Variants in PPP4R1 observed in about 807,000 individuals in gnomAD.
PPP4R1 encodes the protein protein phosphatase 4 regulatory subunit 1.
PPP4R1 carries 42 observed loss-of-function variants against 111.2 expected under a neutral mutation model. The ratio of observed to expected loss-of-function variants is 0.38; its 90% CI spans 0.29 to 0.49. The LOEUF is 0.49. Ranked by LOEUF, PPP4R1 falls within the 20% of genes least tolerant of loss-of-function variation. PPP4R1 has a pLI of 0.97. For synonymous variants in PPP4R1, 409 were observed against 405.5 expected (o/e 1.01, Z -0.10); for missense variants, 1,012 against 1,161.6 (o/e 0.87, Z 1.87).
At chr18:9,605,616 A>T (rs1220323696) in intron 2 of PPP4R1, among the ~76,000 whole-genome samples, 4 of 151,444 alleles carry the variant, frequency 2.6e-5, no homozygotes, top group Non-Finnish European at 5.9e-5. Flanking sequence ...ACCTGAATCA[A>T]ATCATGAGGA....
chr18:9,560,220 G>A (rs2066651176), intron 13 of PPP4R1, among the ~76,000 whole-genome samples: 1 of 152,202 alleles, frequency 6.6e-6, no homozygotes, highest in South Asian at 2.1e-4. Flanking sequence ...GGTGGAAGCT[G>A]CAGTGAGCTG....
At chr18:9,603,667 T>C (rs2067430764) in intron 2 of PPP4R1, among the ~76,000 whole-genome samples, 1 of 152,072 alleles carries the variant, frequency 6.6e-6, no homozygotes, top group Non-Finnish European at 1.5e-5. Flanking sequence ...TCTTTATTTT[T>C]TGTAGAGCTG....
At chr18:9,576,451 CATTTAAAAAT>C (rs1420642204) in intron 10 of PPP4R1, among the ~76,000 whole-genome samples, 4 of 151,904 alleles carry the variant, frequency 2.6e-5, no homozygotes, top group Admixed American at 2.6e-4. Flanking sequence ...AATGCAAAAA[CATTTAAAAAT>C]AAAAATCACA....
rs575478856 is a variant in PPP4R1, at chr18:9,559,374, C to A, written c.2028+45G>T. On this transcript the variant is annotated intron_variant, in intron 14 of 19. Coordinates refer to ENST00000400556, the MANE Select transcript of PPP4R1 (RefSeq NM_001042388.3). ...AGGTTACAAAAAGCAAAGCACTGTG[C>A]CTTCCACATGCACGTTCTGCTAATT... 2.5e-5 allele frequency: 38 copies of A among 1,527,344 alleles called. No individual in the cohort carries two copies. The South Asian group carries it at 4.3e-4, about 17-fold the overall frequency. 94.6% of individuals were successfully genotyped at this position (1,527,344 alleles called of 1,614,324 possible).
At chr18:9,552,386 G>A (rs144652437) in intron 16 of PPP4R1, among the ~76,000 whole-genome samples, 438 of 152,328 alleles carry the variant, frequency 2.9e-3, no homozygotes, top group African/African-American at 9.1e-3. Flanking sequence ...AATGATAAGC[G>A]AGTGATGGAT....
intron 16 of PPP4R1, 28 bp from the exon 17 acceptor site, chr18:9,550,426 T>C (rs768174835): frequency 1.3e-6 from 2 of 1,561,694 alleles, no homozygotes; most frequent in Non-Finnish European, 8.7e-7. Context: ...AAAAAGACAA[T>C]GTTTAAAAAT....
At chr18:9,595,564 G>A (rs1329591273) in intron 2 of PPP4R1, among the ~76,000 whole-genome samples, 1 of 152,076 alleles carries the variant, frequency 6.6e-6, no homozygotes, top group East Asian at 1.9e-4. Flanking sequence ...CTTAATAGAA[G>A]AAAGCTAAAA....
intron 3 of PPP4R1, 49 bp downstream of exon 3, chr18:9,594,969 A>G: frequency 6.3e-7 from 1 of 1,594,040 alleles, no homozygotes; most frequent in Non-Finnish European, 8.6e-7. Context: ...ACTGAAGTTA[A>G]TAAAACCACC....
At position 9,570,107 on chromosome 18, in the gene PPP4R1, CTA is replaced by C. The variant is rs577038439; in HGVS notation, c.1573+48_1573+49del. On this transcript the variant is annotated intron_variant, in intron 11 of 19. Coordinates refer to ENST00000400556, the MANE Select transcript of PPP4R1 (RefSeq NM_001042388.3). ...AAATGAAATTTTTTTAAGATAGACA[CTA>C]ATATTTTTAATCAATTTCAGAATAA... 337 of 1,469,532 alleles carry C rather than the reference CTA, an allele frequency of 2.3e-4. No individual in the cohort carries two copies. The African/African-American group carries it at 4.4e-3, about 19-fold the overall frequency. 91.0% of individuals were successfully genotyped at this position (1,469,532 alleles called of 1,614,324 possible). A position where few individuals can be genotyped will look rare whatever the true frequency, so the allele number is the denominator to read the frequency against.
At chr18:9,562,886 G>A in intron 12 of PPP4R1, 1 of 986,308 alleles carries the variant, frequency 1.0e-6, no homozygotes, top group Non-Finnish European at 1.2e-6. Flanking sequence ...ACAGCTACAA[G>A]TACACAGTGA....
chr18:9,611,966 G>A (rs1419597430), intron 2 of PPP4R1, among the ~76,000 whole-genome samples: 2 of 151,698 alleles, frequency 1.3e-5, no homozygotes, highest in Non-Finnish European at 1.5e-5. Context: ...AGCCGAGATC[G>A]CGCCATTTTG....
intron 4 of PPP4R1, among the ~76,000 whole-genome samples, chr18:9,591,347 C>A (rs329031): frequency 0.51 from 76,020 of 148,514 alleles, 19,631 homozygotes; most frequent in Middle Eastern, 0.64. Context: ...ACTCCATCTC[C>A]AAAAAAAAAA....
chr18:9,609,771 G>A (rs1255080671), intron 2 of PPP4R1, among the ~76,000 whole-genome samples: 3 of 152,176 alleles, frequency 2.0e-5, no homozygotes, highest in African/African-American at 4.8e-5. Context: ...CTTTAAGAAC[G>A]AGTTCAAAGA....
chr18:9,567,558 A>G (rs1320084254), intron 11 of PPP4R1, among the ~76,000 whole-genome samples: 1 of 152,210 alleles, frequency 6.6e-6, no homozygotes, highest in Non-Finnish European at 1.5e-5. Context: ...TAGGATGAGC[A>G]AAGAAAGTGG....
chr18:9,586,076 T>A lies in PPP4R1; in HGVS notation c.586-1248A>T, dbSNP rs137958061. On this transcript the variant is annotated intron_variant, in intron 6 of 19. Coordinates refer to ENST00000400556, the MANE Select transcript of PPP4R1 (RefSeq NM_001042388.3). ...TCTAGTTAACAATCCAAAGTTATGC[T>A]GTATATCACTGATGTAGCATAACTA... 5.3e-4 allele frequency among the ~76,000 whole-genome samples: 80 copies of A among 152,222 alleles called. No individual in the cohort carries two copies. In the East Asian group the frequency reaches 0.015, roughly 29 times the overall value.
In PPP4R1 at chr18:9,570,298, C is replaced by G; in HGVS notation, c.1432G>C (p.Gly478Arg). Reference protein sequence around the residue: ...LDIELEQNSGGKPSPEGPEEE... With the variant: ...LDIELEQNSGRKPSPEGPEEE... ...TCTGGTCCCTCTGGGCTGGGTTTTC[C>G]CCCAGAGTTCTGTTCAAGCTCTATG... Residue 478 changes from glycine (G) to arginine (R), a missense_variant, in exon 11 of 20, where the codon GGA (glycine) becomes CGA (arginine). Physicochemically the swap from Gly to Arg is moderately radical, Grantham distance 125. Around this residue, in one of 2 missense-constraint regions of PPP4R1, gnomAD observed 707 missense variants for 742.1 expected, o/e 0.95. Transcript: ENST00000400556. The G allele has an allele frequency of 6.2e-7, 1 of 1,612,098 alleles. No individual in the cohort carries two copies. Among genetic ancestry groups the G allele is most frequent in the Non-Finnish European group, 8.5e-7 (1 of 1,179,226 alleles).
chr18:9,606,041 T>TA (rs2067476624), intron 2 of PPP4R1, among the ~76,000 whole-genome samples: 1 of 152,236 alleles, frequency 6.6e-6, no homozygotes, highest in Non-Finnish European at 1.5e-5. Flanking sequence ...GCAGCTTTTG[T>TA]ATAGGTCTGA....
intron 12 of PPP4R1, chr18:9,563,144 A>G: frequency 8.2e-7 from 1 of 1,224,040 alleles, no homozygotes; most frequent in Non-Finnish European, 1.0e-6. Context: ...CATTGAGTCT[A>G]CTAAATGGTC....
chr18:9,564,593 A>G (rs1270327098), intron 11 of PPP4R1, among the ~76,000 whole-genome samples: 2 of 152,112 alleles, frequency 1.3e-5, no homozygotes, highest in African/African-American at 4.8e-5. Context: ...TAATCACTTC[A>G]GCCACTCCCT....
Sources: allele counts gnomAD v4.1 joint callset (sites outside exome capture counted in the v4.1 genomes callset), GRCh38; gene constraint gnomAD v4.1.1; regional missense constraint gnomAD v4.1.1; transcripts MANE v1.5; gene names NCBI Gene and HGNC (gene_info 2026-07-23, HGNC 2026-07-21).